ABLIM2: variants seen among roughly 807,000 people sequenced by gnomAD.
ABLIM2 encodes the protein actin binding LIM protein family member 2.
Under a neutral mutation model 97.7 loss-of-function variants are expected in ABLIM2, and 53 were observed. The ratio of observed to expected loss-of-function variants is 0.54; its 90% confidence interval spans 0.44 to 0.68. The LOEUF is 0.68. Among genes scored for constraint, ABLIM2 ranks in the 30% least tolerant of loss-of-function variants. ABLIM2 has a pLI of 0.00. For missense variants in ABLIM2, 835 were observed against 867.2 expected (o/e 0.96, Z 0.47); for synonymous variants, 361 against 345.8 (o/e 1.04, Z -0.49).
At chr4:8,011,869 A>G (rs2150535606) in intron 14 of ABLIM2, among the ~76,000 whole-genome samples, 1 of 152,166 alleles carries the variant, frequency 6.6e-6, no homozygotes, top group East Asian at 1.9e-4. Flanking sequence ...TTTTTTCTGG[A>G]TACAGAACTG....
rs920076291 is a variant in ABLIM2, at chr4:8,005,657, C to A, written c.1618+2402G>T. 2.6e-5 allele frequency among the ~76,000 whole-genome samples: 4 copies of A among 152,220 alleles called. No homozygotes were observed. Among genetic ancestry groups the A allele is most frequent in the Non-Finnish European group, 5.9e-5 (4 of 68,046 alleles). On this transcript the variant is annotated intron_variant, in intron 16 of 20. Transcript: ENST00000447017. The surrounding 1 kb of genome is among the most constrained non-coding windows in gnomAD (Gnocchi z 4.9). ...CAAGGCTCACCTGATCCAGGCACAG[C>A]CGGCAGTCTGGGTCCTCGCTGCCAT... is the stretch of plus-strand genomic sequence containing the variant.
At chr4:8,119,971 C>T (rs1344968881) in intron 1 of ABLIM2, among the ~76,000 whole-genome samples, 1 of 152,266 alleles carries the variant, frequency 6.6e-6, no homozygotes, top group East Asian at 1.9e-4. Context: ...CTCCTTCCGG[C>T]ATGAAATCCC....
rs775578421 is a variant in ABLIM2 at position 8,080,770 on chromosome 4, C to T, written c.487G>A (p.Gly163Ser). 79 of 1,611,186 alleles carry T rather than the reference C, an allele frequency of 4.9e-5. No individual in the cohort carries two copies. The highest frequency in any genetic ancestry group is 6.6e-5 in the Non-Finnish European group (78 of 1,178,188). The change falls in exon 5 of 21, where the codon GGC (glycine) becomes AGC (serine). Residue 163 changes from glycine (G) to serine (S), a missense_variant. Transcript: ENST00000447017. Reference protein sequence around the residue: ...CGGCGTEIKNGQALVALDKHW... With the variant: ...CGGCGTEIKNSQALVALDKHW... ...TTGTCCAAGGCTACCAGGGCCTGGC[C>T]ATTCTTGATTTCTGTGCCGCAGCCC...
At position 8,158,767 on chromosome 4, in the gene ABLIM2, C is replaced by T. The variant is rs561171637; in HGVS notation, c.-78G>A. The T allele has an allele frequency of 2.4e-6, 3 of 1,254,998 alleles. No homozygotes were observed. Among genetic ancestry groups the T allele is most frequent in the South Asian group, 2.6e-5 (1 of 39,044 alleles). 77.7% of individuals were successfully genotyped at this position (1,254,998 alleles called of 1,614,324 possible). On this transcript the variant is annotated 5_prime_UTR_variant, in exon 1 of 21. Coordinates refer to ENST00000447017, the MANE Select transcript of ABLIM2 (RefSeq NM_001130083.2). The stretch of plus-strand genomic sequence containing the variant: ...CGGGCCCGCAGGTGCCGCGCCCGCG[C>T]TATCCTCCGCCCGCCCGCCGGCTCC...
At chr4:7,997,970 C>A (rs1319851392) in intron 16 of ABLIM2, among the ~76,000 whole-genome samples, 1 of 151,988 alleles carries the variant, frequency 6.6e-6, no homozygotes, top group Non-Finnish European at 1.5e-5. Flanking sequence ...CAACCTCCGC[C>A]TCCCGGGTTC....
chr4:8,158,453 G>A (rs1716136696), intron 1 of ABLIM2, among the ~76,000 whole-genome samples: 1 of 152,152 alleles, frequency 6.6e-6, no homozygotes, highest in African/African-American at 2.4e-5. Flanking sequence ...CGGCCGGCGC[G>A]CTGGGAAAGG....
At position 7,965,341 on chromosome 4, in the gene ABLIM2, C is replaced by T. The variant is rs947687049; in HGVS notation, c.*1649G>A. 1 of 152,696 alleles carries T rather than the reference C, an allele frequency of 6.5e-6. No individual in the cohort carries two copies. The highest frequency in any genetic ancestry group is 1.5e-5 in the Non-Finnish European group (1 of 68,054). 9.5% of individuals were successfully genotyped at this position (152,696 alleles called of 1,614,324 possible). ...ACTTCCGCAAGTTATAATGCATCGTCTTTTATTTTCCAGGCTTCCTGGGAT... is the reference window on the plus strand; with the variant it reads ...ACTTCCGCAAGTTATAATGCATCGTTTTTTATTTTCCAGGCTTCCTGGGAT... On this transcript the variant is annotated 3_prime_UTR_variant, in exon 21 of 21. Transcript: ENST00000447017.
chr4:8,051,680 A>T (rs1215163611), intron 8 of ABLIM2, among the ~76,000 whole-genome samples: 2 of 152,142 alleles, frequency 1.3e-5, no homozygotes, highest in African/African-American at 2.4e-5. Context: ...GCACCGTTTG[A>T]TATGCAAATG....
At chr4:8,066,368 A>T (rs189925585) in intron 6 of ABLIM2, among the ~76,000 whole-genome samples, 1 of 28,094 alleles carries the variant, frequency 3.6e-5, no homozygotes, top group Non-Finnish European at 6.6e-5. Flanking sequence ...GAGGGAAGGA[A>T]GGAAGGAAGG....
rs779273091 is a variant in ABLIM2, at chr4:8,097,215, G to A, written c.222C>T (p.Asp74=). 1 of 1,586,396 alleles carries A rather than the reference G, an allele frequency of 6.3e-7. No individual in the cohort carries two copies. Among genetic ancestry groups the A allele is most frequent in the Non-Finnish European group, 8.6e-7 (1 of 1,167,294 alleles). ...VRQGEYICTL[D]YQRLYGTRCF... ...AGCGGGTGCCGTAGAGCCTCTGGTA[G>A]TCCAGCGTGCAGATGTACTCGCCCT... The change falls in exon 3 of 21, where the codon GAC becomes GAT. Residue 74 remains aspartate, a synonymous_variant. Coordinates refer to ENST00000447017, the MANE Select transcript of ABLIM2 (RefSeq NM_001130083.2).
At chr4:7,971,336 T>C (rs545047538) in intron 20 of ABLIM2, among the ~76,000 whole-genome samples, 1 of 152,190 alleles carries the variant, frequency 6.6e-6, no homozygotes, top group Admixed American at 6.5e-5. Context: ...GGAGTGCACC[T>C]CACCCCCAGG....
At chr4:8,077,796 A>G in intron 5 of ABLIM2, 75 bp from the exon 6 acceptor site, 2 of 1,286,616 alleles carry the variant, frequency 1.6e-6, no homozygotes, top group Non-Finnish European at 2.2e-6. Context: ...CCTCACCAAC[A>G]AGAGAGTCTG....
chr4:8,156,236 C>T (rs1715292238), intron 1 of ABLIM2, among the ~76,000 whole-genome samples: 1 of 151,846 alleles, frequency 6.6e-6, no homozygotes, highest in Non-Finnish European at 1.5e-5. Context: ...AACCCCACCC[C>T]CTACTGGTCC....
chr4:7,974,560 T>C (rs1190736083), intron 20 of ABLIM2, among the ~76,000 whole-genome samples: 3 of 126,550 alleles, frequency 2.4e-5, no homozygotes, highest in Admixed American at 1.7e-4. Context: ...CCTAACCGCC[T>C]ACCCATCCAC....
intron 1 of ABLIM2, among the ~76,000 whole-genome samples, chr4:8,137,162 C>T (rs1359163575): frequency 2.0e-5 from 3 of 152,170 alleles, no homozygotes; most frequent in African/African-American, 7.2e-5. Flanking sequence ...GTATTTGTCA[C>T]GGCAGCCGGG....
intron 16 of ABLIM2, among the ~76,000 whole-genome samples, chr4:8,000,652 C>G (rs1371987901): frequency 6.6e-6 from 1 of 152,112 alleles, no homozygotes; most frequent in African/African-American, 2.4e-5. Flanking sequence ...GTCCCCCACC[C>G]CACAGAATGA....
At position 8,097,763 on chromosome 4, in the gene ABLIM2, C is replaced by T. The variant is rs556310539; in HGVS notation, c.155-481G>A. On this transcript the variant is annotated intron_variant, in intron 2 of 20. Transcript: ENST00000447017. ...GGAGGACAGACCAGGTCCTTGTGGT[C>T]GGTGCCTCCAGCCCACCTCTAGGCT... 1.2e-4 allele frequency among the ~76,000 whole-genome samples: 19 copies of T among 152,256 alleles called. No individual in the cohort carries two copies. In the East Asian group the frequency reaches 3.5e-3, roughly 28 times the overall value.
intron 7 of ABLIM2, among the ~76,000 whole-genome samples, chr4:8,059,727 C>A (rs1255586046): frequency 6.6e-6 from 1 of 151,936 alleles, no homozygotes; most frequent in Non-Finnish European, 1.5e-5. Context: ...CATGATGAAA[C>A]CCCATCTGTA....
Position 8,002,445 on chromosome 4 carries a change from C to A in ABLIM2, c.1618+5614G>T, listed in dbSNP as rs1459582445. ...TTTGTGGGAGCCCTTTTCCTCTCGC[C>A]CTGACTGGGCAGCCTCCAGTCCACC... On this transcript the variant is annotated intron_variant, in intron 16 of 20. Coordinates refer to ENST00000447017, the MANE Select transcript of ABLIM2 (RefSeq NM_001130083.2). The surrounding 1 kb of genome is among the most constrained non-coding windows in gnomAD (Gnocchi z 6.1). 6.6e-6 allele frequency among the ~76,000 whole-genome samples: 1 copy of A among 152,228 alleles called. No homozygotes were observed. The highest frequency in any genetic ancestry group is 2.4e-5 in the African/African-American group (1 of 41,466).
Sources: allele counts gnomAD v4.1 joint callset (sites outside exome capture counted in the v4.1 genomes callset), GRCh38; gene constraint gnomAD v4.1.1; non-coding constraint Gnocchi (gnomAD v3.1); transcripts MANE v1.5; gene names NCBI Gene and HGNC (gene_info 2026-07-23, HGNC 2026-07-21).